Variants in DMBT1 observed in about 807,000 individuals in gnomAD.
The protein encoded by DMBT1 is scavenger receptor cysteine-rich domain-containing protein DMBT1.
DMBT1 carries 198 observed loss-of-function variants against 252.9 expected under a neutral mutation model. The observed-to-expected ratio is 0.78, with a 90% CI of 0.70 to 0.88. The LOEUF (loss-of-function observed/expected upper bound fraction) is 0.88, where lower values mean the gene tolerates loss of function less well. Among genes scored for constraint, DMBT1 ranks in the 40% least tolerant of loss-of-function variants. The pLI is 0.00. For synonymous variants in DMBT1, 990 were observed against 942.7 expected, an observed-to-expected ratio of 1.05 and a Z score of -0.92; for missense variants, 2,432 against 2,404.7, an observed-to-expected ratio of 1.01 and a Z score of -0.24.
In DMBT1 at chr10:122,637,244, C is replaced by T. The variant is rs200198868; in HGVS notation, c.6874C>T (p.Arg2292Trp). ...CACCTGGAATGGATACTACGAGTGT[C>T]GGCCCCAGATAACGCCGAACCTGGT... ...ISTWNGYYEC[R>W]PQITPNLVIF... The change falls in exon 54 of 56, where the codon CGG becomes TGG. Residue 2292 changes from arginine (R) to tryptophan (W), a missense_variant. Arg to Trp is a moderately radical substitution (Grantham distance 101). Coordinates refer to ENST00000338354, the MANE Select transcript of DMBT1 (RefSeq NM_001377530.1). 204 of 1,614,008 alleles carry T rather than the reference C, an allele frequency of 1.3e-4. No homozygotes were observed. The highest frequency in any genetic ancestry group is 1.5e-4 in the Non-Finnish European group (180 of 1,179,902).
At chr10:122,580,519 A>T (rs761933615) in intron 10 of DMBT1, among the ~76,000 whole-genome samples, 1 of 152,128 alleles carries the variant, frequency 6.6e-6, no homozygotes, top group African/African-American at 2.4e-5. Flanking sequence ...ATTGCCTGTG[A>T]TTGGGGCTTG....
intron 9 of DMBT1, 58 bp downstream of exon 9, chr10:122,578,817 G>T: frequency 6.7e-7 from 1 of 1,490,622 alleles, no homozygotes; most frequent in Admixed American, 1.9e-5. Flanking sequence ...ATACACTTTG[G>T]ATTTCATAGT....
intron 44 of DMBT1, among the ~76,000 whole-genome samples, chr10:122,623,141 C>T (rs186063162): frequency 0.025 from 3,831 of 152,240 alleles, 145 homozygotes; most frequent in South Asian, 0.14. Context: ...ATTGTGGTCA[C>T]TTTCTATGAA....
In DMBT1 at chr10:122,640,287, C is replaced by T. The variant is rs752965644; in HGVS notation, c.7190C>T (p.Pro2397Leu). The change falls in exon 55 of 56, where the codon CCT becomes CTT. Residue 2397 changes from proline to leucine, a missense_variant. Around this residue, in one of 3 missense-constraint regions of DMBT1, gnomAD observed 1,162 missense variants for 1,169.0 expected, o/e 0.99. Coordinates refer to ENST00000338354, the MANE Select transcript of DMBT1 (RefSeq NM_001377530.1). ...TATACTTCCTCATCTTTCTTGTATC[C>T]TGTGACCAGCCGCCCTTACTACGTG... ...SFYTSSSFLY[P>L]VTSRPYYVDL... is the part of the protein sequence containing the mutation. 1.1e-5 allele frequency: 18 copies of T among 1,613,918 alleles called. No individual in the cohort carries two copies. In the South Asian group the frequency reaches 1.8e-4, roughly 16 times the overall value.
At chr10:122,634,454 C>CT (rs1566008879) in intron 52 of DMBT1, among the ~76,000 whole-genome samples, 5 of 98,846 alleles carry the variant, frequency 5.1e-5, no homozygotes, top group African/African-American at 1.1e-4. Context: ...CTCTCTCTCT[C>CT]TCTCTCTCTC....
chr10:122,632,153 C>G (rs2098170286), intron 50 of DMBT1, among the ~76,000 whole-genome samples: 1 of 152,120 alleles, frequency 6.6e-6, no homozygotes, highest in South Asian at 2.1e-4. Flanking sequence ...AGACCCTGAC[C>G]AGTGTTGGCC....
rs754749663 is a variant in DMBT1 at position 122,618,105 on chromosome 10, C to T, written c.4980C>T (p.Gly1660=). 16 of 1,613,798 alleles carry T rather than the reference C, an allele frequency of 9.9e-6. No homozygotes were observed. Among genetic ancestry groups the T allele is most frequent in the Admixed American group, 3.3e-5 (2 of 60,000 alleles). The change falls in exon 41 of 56, where the codon GGC becomes GGT. Residue 1660 remains glycine, a synonymous_variant. Transcript: ENST00000338354. The part of the protein sequence containing the change: ...RVEVLYQGSW[G]TVCDDYWDTN... The stretch of plus-strand genomic sequence containing the variant: ...AGGTCCTATACCAAGGCTCCTGGGG[C>T]ACCGTGTGTGATGACTACTGGGACA...
intron 46 of DMBT1, among the ~76,000 whole-genome samples, chr10:122,627,572 A>G (rs906461596): frequency 4.6e-5 from 7 of 152,246 alleles, no homozygotes; most frequent in Admixed American, 3.9e-4. Flanking sequence ...GGGCAAAAAC[A>G]TTGTTTCCAA....
At chr10:122,599,878 AC>A (rs1004359085) in intron 26 of DMBT1, among the ~76,000 whole-genome samples, 185 bp from the exon 27 acceptor site, 7 of 152,172 alleles carry the variant, frequency 4.6e-5, no homozygotes, top group Middle Eastern at 3.4e-3. Flanking sequence ...GCAATAGTGG[AC>A]AGGATCTGCC....
chr10:122,623,437 C>G (rs901013593), intron 44 of DMBT1, among the ~76,000 whole-genome samples: 2 of 152,100 alleles, frequency 1.3e-5, no homozygotes, highest in Middle Eastern at 6.3e-3. Context: ...TGGGATTGCT[C>G]GGTAATAGGG....
At chr10:122,635,933 C>A (rs2098223578) in intron 52 of DMBT1, 58 bp from the exon 53 acceptor site, 4 of 1,582,694 alleles carry the variant, frequency 2.5e-6, no homozygotes, top group South Asian at 2.2e-5. Flanking sequence ...TGAGATCTGA[C>A]CCCCTGCGTC....
intron 19 of DMBT1, 99 bp downstream of exon 19, chr10:122,591,616 C>CT: frequency 7.7e-7 from 1 of 1,300,374 alleles, no homozygotes; most frequent in African/African-American, 1.4e-5. Flanking sequence ...GGGCCCCTGT[C>CT]TTTTTCACAT....
intron 53 of DMBT1, 78 bp from the exon 54 acceptor site, chr10:122,637,050 T>C (rs2098232404): frequency 4.2e-6 from 6 of 1,423,598 alleles, no homozygotes; most frequent in Non-Finnish European, 4.8e-6. Context: ...ACTTTTTAAG[T>C]GGAAACAGCC....
At chr10:122,599,119 A>T (rs368729317) in intron 26 of DMBT1, 22 bp downstream of exon 26, 1 of 1,613,788 alleles carries the variant, frequency 6.2e-7, no homozygotes. Flanking sequence ...AGAACTTGGG[A>T]TCACTCTCTT....
Position 122,597,054 on chromosome 10 carries a change from G to T in DMBT1, c.2917G>T (p.Asp973Tyr). The change falls in exon 24 of 56, where the codon GAC becomes TAC. Residue 973 changes from aspartate to tyrosine, a missense_variant and splice_region_variant. Transcript: ENST00000338354. ...AAHSWSTPSPDTLPTITLPAS... is the reference protein window; with the variant it reads ...AAHSWSTPSPYTLPTITLPAS... ...CCACTCCTGGTCGACGCCCAGTCCA[G>T]GTGAGTCCCCAGTGTCCTTCCTTGG... The T allele has an allele frequency of 7.2e-6, 4 of 552,364 alleles. No individual in the cohort carries two copies. Among genetic ancestry groups the T allele is most frequent in the Non-Finnish European group, 1.2e-5 (4 of 336,980 alleles). The allele number at this position is 552,364 out of a possible 1,614,324, so 34.2% of individuals were successfully genotyped here. A position where few individuals can be genotyped will look rare whatever the true frequency, so the allele number is the denominator to read the frequency against.
In DMBT1 at chr10:122,631,272, AT is replaced by A; in HGVS notation, c.6338del (p.Ile2113ThrfsTer63). 3 of 1,613,924 alleles carry A rather than the reference AT, an allele frequency of 1.9e-6. No individual in the cohort carries two copies. The highest frequency in any genetic ancestry group is 2.5e-6 in the Non-Finnish European group (3 of 1,179,816). On this transcript the variant is annotated frameshift_variant, in exon 49 of 56. Coordinates refer to ENST00000338354, the MANE Select transcript of DMBT1 (RefSeq NM_001377530.1). LOFTEE classifies it high-confidence loss of function. ...TAATCATCGTGAAGATGCTGGTGTC[AT>A]CTGCTCAGGTATGGCCCAATGCCAT... ...NCNHREDAGV[I>X]CSGNHLSTPA...
chr10:122,570,985 C>G (rs1463066262), intron 4 of DMBT1, 48 bp downstream of exon 4: 1 of 1,588,578 alleles, frequency 6.3e-7, no homozygotes, highest in African/African-American at 1.3e-5. Flanking sequence ...CCCCACTGCA[C>G]CCCTAGGTTC....
At chr10:122,576,195 A>G in intron 6 of DMBT1, among the ~76,000 whole-genome samples, 1 of 152,096 alleles carries the variant, frequency 6.6e-6, no homozygotes, top group East Asian at 1.9e-4. Context: ...GCTCCAGCTG[A>G]AGCTCTAAGG....
chr10:122,599,877 G>A (rs1181513401), intron 26 of DMBT1, among the ~76,000 whole-genome samples, 187 bp from the exon 27 acceptor site: 2 of 152,130 alleles, frequency 1.3e-5, no homozygotes, highest in East Asian at 1.9e-4. Flanking sequence ...GGCAATAGTG[G>A]ACAGGATCTG....
Sources: allele counts gnomAD v4.1 joint callset (sites outside exome capture counted in the v4.1 genomes callset), GRCh38; gene constraint gnomAD v4.1.1; regional missense constraint gnomAD v4.1.1; transcripts MANE v1.5; gene names NCBI Gene and HGNC (gene_info 2026-07-23, HGNC 2026-07-21).